Variants in TSPEAR observed in about 807,000 individuals in gnomAD.
The protein encoded by TSPEAR is thrombospondin-type laminin G domain and EAR repeat-containing protein.
TSPEAR carries 69 observed loss-of-function variants against 71.6 expected under a neutral mutation model. The ratio of observed to expected loss-of-function variants is 0.96; its 90% CI spans 0.79 to 1.18. The LOEUF is 1.18. Ranked by LOEUF, TSPEAR falls within the 50% of genes most tolerant of loss-of-function variation. The pLI is 0.00. For missense variants in TSPEAR, 971 were observed against 894.9 expected (o/e 1.09, Z -1.09); for synonymous variants, 402 against 387.2 (o/e 1.04, Z -0.45).
At chr21:44,535,763 A>G (rs926387136) in intron 2 of TSPEAR, among the ~76,000 whole-genome samples, 1 of 152,020 alleles carries the variant, frequency 6.6e-6, no homozygotes, top group East Asian at 1.9e-4. Context: ...ATGGGGTTTC[A>G]CCATGTTAGC....
rs781918352 is a variant in TSPEAR, at chr21:44,612,913, A to G, written c.83-44908T>C. On this transcript the variant is annotated intron_variant, in intron 1 of 11. Transcript: ENST00000323084. The surrounding 1 kb of genome is among the most constrained non-coding windows in gnomAD (Gnocchi z 4.1). ...GCTCAGGCCAGGAGTCCAGCTGCTG[A>G]TGGGCACGTCCCCCAGGGCCAGCCG... 3 of 1,604,730 alleles carry G rather than the reference A, an allele frequency of 1.9e-6. No individual in the cohort carries two copies. Among genetic ancestry groups the G allele is most frequent in the Non-Finnish European group, 2.5e-6 (3 of 1,177,050 alleles).
Position 44,612,746 on chromosome 21 carries a change from G to A in TSPEAR, c.83-44741C>T, listed in dbSNP as rs782320802. On this transcript the variant is annotated intron_variant, in intron 1 of 11. Coordinates refer to ENST00000323084, the MANE Select transcript of TSPEAR (RefSeq NM_144991.3). This position sits in a 1 kb window ranked among gnomAD's most constrained non-coding sequence, Gnocchi z 4.1. ...CTCCGTGTCCCTCCTCTGCCGCCCT[G>A]TGTGCCGGCCTGCCTGCTGTGTGCC... The A allele has an allele frequency of 4.8e-5, 78 of 1,613,332 alleles. No homozygotes were observed. The highest frequency in any genetic ancestry group is 5.9e-5 in the Non-Finnish European group (70 of 1,179,812).
At chr21:44,590,555 T>G (rs1273286697) in intron 1 of TSPEAR, among the ~76,000 whole-genome samples, 1 of 152,168 alleles carries the variant, frequency 6.6e-6, no homozygotes, top group Non-Finnish European at 1.5e-5. Context: ...CCACGAATAC[T>G]GGGCTGCTGG....
chr21:44,563,082 A>G (rs923666480), intron 2 of TSPEAR, among the ~76,000 whole-genome samples: 130 of 152,316 alleles, frequency 8.5e-4, no homozygotes, highest in African/African-American at 3.1e-3. Context: ...TTTGGCAATA[A>G]TAATACAAAG....
At position 44,637,719 on chromosome 21, in the gene TSPEAR, T is replaced by A. The variant is rs115298124; in HGVS notation, c.83-69714A>T. On this transcript the variant is annotated intron_variant, in intron 1 of 11. Transcript: ENST00000323084. ...GCCTGCTGTGTGCCTGTCTGCTGTGTGCCCGTCTGCTGCGTGCCCGTCTGT... is the reference window on the plus strand; with the variant it reads ...GCCTGCTGTGTGCCTGTCTGCTGTGAGCCCGTCTGCTGCGTGCCCGTCTGT... 0.014 allele frequency: 16,930 copies of A among 1,240,304 alleles called. 1,277 individuals carry two copies. The African/African-American group carries it at 0.22, about 16-fold the overall frequency. 76.8% of individuals were successfully genotyped at this position (1,240,304 alleles called of 1,614,324 possible).
rs1277378753 is a variant in TSPEAR at position 44,529,825 on chromosome 21, C to T, written c.763G>A (p.Asp255Asn). Residue 255 changes from aspartate (D) to asparagine (N), a missense_variant, in exon 5 of 12, where the codon GAT becomes AAT. Asp to Asn is a conservative substitution (Grantham distance 23). Transcript: ENST00000323084. ...TAGGGATATTTTAGCACCTCGTTAT[C>T]TTCTGGCTTCCCCGTGAGAGCCTGC... ...VLQALTGKPE[D>N]NEVLKYPYET... 2 of 1,613,944 alleles carry T rather than the reference C, an allele frequency of 1.2e-6. No homozygotes were observed. Among genetic ancestry groups the T allele is most frequent in the Non-Finnish European group, 1.7e-6 (2 of 1,179,966 alleles).
intron 1 of TSPEAR, among the ~76,000 whole-genome samples, chr21:44,669,405 A>T (rs117020598): frequency 0.029 from 4,468 of 152,292 alleles, 74 homozygotes; most frequent in Non-Finnish European, 0.043. Flanking sequence ...CCTGTGACAG[A>T]GCAGGACTCC....
chr21:44,603,839 A>T (rs1408207811), intron 1 of TSPEAR, among the ~76,000 whole-genome samples: 1 of 152,214 alleles, frequency 6.6e-6, no homozygotes, highest in Non-Finnish European at 1.5e-5. Context: ...AAAAATGCAA[A>T]AGGCACAAAT....
intron 1 of TSPEAR, among the ~76,000 whole-genome samples, chr21:44,660,877 G>A (rs1405293131): frequency 1.3e-5 from 2 of 152,190 alleles, no homozygotes; most frequent in South Asian, 2.1e-4. Context: ...TGAGGCAGGA[G>A]AATTGCTTGA....
intron 1 of TSPEAR, among the ~76,000 whole-genome samples, chr21:44,569,793 G>A (rs370191104): frequency 2.5e-4 from 38 of 152,018 alleles, no homozygotes; most frequent in Admixed American, 9.2e-4. Flanking sequence ...GACCACCCCC[G>A]ATGGAGGCTG....
At chr21:44,607,901 C>T (rs1981413883) in intron 1 of TSPEAR, among the ~76,000 whole-genome samples, 2 of 152,224 alleles carry the variant, frequency 1.3e-5, no homozygotes, top group South Asian at 4.1e-4. Flanking sequence ...CAAAGACTTG[C>T]TCACAAATGT....
intron 1 of TSPEAR, among the ~76,000 whole-genome samples, chr21:44,704,241 G>GT: frequency 7.8e-6 from 1 of 128,634 alleles, no homozygotes; most frequent in East Asian, 2.3e-4. Context: ...TGCTTCCCTG[G>GT]GTACCCCACC....
Position 44,574,519 on chromosome 21 carries a change from C to G in TSPEAR, c.83-6514G>C, listed in dbSNP as rs782544465. On this transcript the variant is annotated intron_variant, in intron 1 of 11. Transcript: ENST00000323084. Reference sequence around the variant, plus strand: ...GATTCCTCTTCATGCTGCCAGCAGTCTAGCTGCCAGCCGGCTTGCTGCACC... The same window carrying G: ...GATTCCTCTTCATGCTGCCAGCAGTGTAGCTGCCAGCCGGCTTGCTGCACC... 10 of 1,609,598 alleles carry G rather than the reference C, an allele frequency of 6.2e-6. No individual in the cohort carries two copies. In the African/African-American group the frequency reaches 1.2e-4, roughly 20 times the overall value.
intron 1 of TSPEAR, among the ~76,000 whole-genome samples, chr21:44,590,604 C>A (rs1041158763): frequency 6.6e-6 from 1 of 152,178 alleles, no homozygotes; most frequent in African/African-American, 2.4e-5. Context: ...CCATGTCTTA[C>A]TGTGGAGGAG....
At chr21:44,688,489 G>T (rs1463762491) in intron 1 of TSPEAR, among the ~76,000 whole-genome samples, 3 of 152,180 alleles carry the variant, frequency 2.0e-5, no homozygotes, top group African/African-American at 7.2e-5. Flanking sequence ...GGGAGGCCGA[G>T]GAGGGCAGAT....
chr21:44,644,245 T>C (rs1984180411), intron 1 of TSPEAR, among the ~76,000 whole-genome samples: 1 of 152,244 alleles, frequency 6.6e-6, no homozygotes, highest in South Asian at 2.1e-4. Context: ...TCCAGGGCTC[T>C]ACAGTTGCAC....
chr21:44,515,611 C>G (rs782346849), intron 9 of TSPEAR: 1 of 152,318 alleles, frequency 6.6e-6, no homozygotes, highest in Non-Finnish European at 1.5e-5. Flanking sequence ...TGAGGATGCC[C>G]GTGCATCTCC....
chr21:44,503,614 T>C (rs1379291034), intron 11 of TSPEAR, among the ~76,000 whole-genome samples: 1 of 131,828 alleles, frequency 7.6e-6, no homozygotes, highest in Non-Finnish European at 1.6e-5. Context: ...AGCAAGGCGC[T>C]GGGAGGAGGC....
At chr21:44,533,322 G>A (rs1555915926) in intron 3 of TSPEAR, among the ~76,000 whole-genome samples, 1 of 152,214 alleles carries the variant, frequency 6.6e-6, no homozygotes, top group African/African-American at 2.4e-5. Context: ...GCCCTGCAGA[G>A]GCTGGCGCGG....
Sources: allele counts gnomAD v4.1 joint callset (sites outside exome capture counted in the v4.1 genomes callset), GRCh38; gene constraint gnomAD v4.1.1; non-coding constraint Gnocchi (gnomAD v3.1); transcripts MANE v1.5; gene names NCBI Gene and HGNC (gene_info 2026-07-23, HGNC 2026-07-21).